GABRA1: variants seen among roughly 807,000 people sequenced by gnomAD.
GABRA1 encodes gamma-aminobutyric acid type A receptor subunit alpha1.
Under a neutral mutation model 48.9 loss-of-function variants are expected in GABRA1, and 9 were observed. The observed-to-expected ratio is 0.18, with a 90% confidence interval of 0.11 to 0.32. The LOEUF is 0.32. Ranked by LOEUF, GABRA1 falls within the 10% of genes least tolerant of loss-of-function variation. The probability of loss-of-function intolerance (pLI) is 1.00; values close to 1 mark genes in which losing one functional copy is unlikely to be tolerated. For missense variants in GABRA1, 285 were observed against 553.8 expected, an observed-to-expected ratio of 0.51 and a Z score of 4.87; for synonymous variants, 210 against 198.7, an observed-to-expected ratio of 1.06 and a Z score of -0.48.
chr5:161,864,496 G>A (rs565846786), intron 3 of GABRA1, among the ~76,000 whole-genome samples: 216 of 152,074 alleles, frequency 1.4e-3, no homozygotes, highest in Middle Eastern at 6.8e-3. Context: ...AAATTGCTAA[G>A]GGAAAAGGGC....
chr5:161,877,232 A>G (rs1414083687), intron 6 of GABRA1, among the ~76,000 whole-genome samples: 1 of 152,240 alleles, frequency 6.6e-6, no homozygotes, highest in East Asian at 1.9e-4. Flanking sequence ...GGCATAAGCC[A>G]CAGTGCCCAG....
Position 161,897,480 on chromosome 5 carries a change from C to G in GABRA1, c.*58C>G, listed in dbSNP as rs950728744. ...TGCACTGGGAATTTATTTATGTTCT[C>G]AACGCAGTAATTCCCATCTGCTTTA... On this transcript the variant is annotated 3_prime_UTR_variant, in exon 10 of 10. Transcript: ENST00000393943. 2 of 1,435,188 alleles carry G rather than the reference C, an allele frequency of 1.4e-6. No individual in the cohort carries two copies. The highest frequency in any genetic ancestry group is 2.0e-6 in the Non-Finnish European group (2 of 1,020,726). 88.9% of individuals were successfully genotyped at this position (1,435,188 alleles called of 1,614,324 possible). A position where few individuals can be genotyped will look rare whatever the true frequency, so the allele number is the denominator to read the frequency against.
intron 3 of GABRA1, among the ~76,000 whole-genome samples, chr5:161,859,629 CT>C (rs1163166554): frequency 6.6e-6 from 1 of 151,686 alleles, no homozygotes; most frequent in Non-Finnish European, 1.5e-5. Flanking sequence ...GATAAAATGC[CT>C]GATATTCATG....
At chr5:161,875,463 G>T in intron 5 of GABRA1, 97 bp from the exon 6 acceptor site, 1 of 964,406 alleles carries the variant, frequency 1.0e-6, no homozygotes, top group South Asian at 1.3e-5. Flanking sequence ...TGCCTTCTTT[G>T]TTAATATATT....
At chr5:161,855,425 T>C (rs1039406203) in intron 3 of GABRA1, among the ~76,000 whole-genome samples, 1 of 151,566 alleles carries the variant, frequency 6.6e-6, no homozygotes, top group African/African-American at 2.4e-5. Context: ...CAAATATATG[T>C]CAAAGGTCTT....
At chr5:161,890,504 T>C (rs1755040508) in intron 7 of GABRA1, among the ~76,000 whole-genome samples, 1 of 152,098 alleles carries the variant, frequency 6.6e-6, no homozygotes, top group South Asian at 2.1e-4. Context: ...GGATATGCTC[T>C]GTAATGGACA....
Position 161,892,388 on chromosome 5 carries a change from C to A in GABRA1, c.856+1338C>A, listed in dbSNP as rs1051375707. Among the ~76,000 whole-genome samples, 61 of 152,152 alleles carry A rather than the reference C, an allele frequency of 4.0e-4. 1 individual carries two copies. The highest frequency in any genetic ancestry group is 7.4e-5 in the Non-Finnish European group (5 of 68,022). On this transcript the variant is annotated intron_variant, in intron 8 of 9. Transcript: ENST00000393943. Reference sequence around the variant, plus strand: ...AAAATCAGTTATCTCAGAAAAAAAGCAAGACTCTGCTACAAGTACCAGAAA... The same window carrying A: ...AAAATCAGTTATCTCAGAAAAAAAGAAAGACTCTGCTACAAGTACCAGAAA...
chr5:161,895,913 T>C (rs1431847732), intron 9 of GABRA1, 45 bp downstream of exon 9: 1 of 1,496,516 alleles, frequency 6.7e-7, no homozygotes, highest in African/African-American at 1.4e-5. Flanking sequence ...ATTATGTCTC[T>C]TTAAACCTAT....
intron 3 of GABRA1, among the ~76,000 whole-genome samples, chr5:161,859,614 G>A (rs915664420): frequency 1.2e-4 from 18 of 151,702 alleles, no homozygotes; most frequent in South Asian, 4.2e-4. Flanking sequence ...GAGCTGTCCC[G>A]GGATGATAAA....
At chr5:161,854,393 A>T (rs748188582) in intron 3 of GABRA1, 123 bp downstream of exon 3, 37 of 706,914 alleles carry the variant, frequency 5.2e-5, no homozygotes, top group Non-Finnish European at 8.9e-5. Context: ...TGACAAATCT[A>T]TTTTTAATGG....
intron 5 of GABRA1, 25 bp downstream of exon 5, chr5:161,873,362 A>T: frequency 6.4e-7 from 1 of 1,553,460 alleles, no homozygotes; most frequent in Non-Finnish European, 8.9e-7. Context: ...ACTGCCATTC[A>T]TGAATGTTTC....
chr5:161,852,798 C>T (rs561134681), intron 2 of GABRA1, among the ~76,000 whole-genome samples: 3 of 151,952 alleles, frequency 2.0e-5, no homozygotes, highest in South Asian at 4.1e-4. Context: ...GTAACTTTAT[C>T]AAATTAAAAC....
chr5:161,885,091 A>G (rs369052804), intron 7 of GABRA1, among the ~76,000 whole-genome samples: 1 of 152,190 alleles, frequency 6.6e-6, no homozygotes, highest in Non-Finnish European at 1.5e-5. Context: ...TACATAAAAT[A>G]AAAGCTTTTT....
chr5:161,862,939 T>G (rs1757917863), intron 3 of GABRA1, among the ~76,000 whole-genome samples: 1 of 152,024 alleles, frequency 6.6e-6, no homozygotes, highest in Admixed American at 6.6e-5. Context: ...AGTTTAAATC[T>G]GAGTATTTAG....
intron 6 of GABRA1, among the ~76,000 whole-genome samples, chr5:161,877,051 T>C (rs560187827): frequency 6.6e-6 from 1 of 152,240 alleles, no homozygotes; most frequent in East Asian, 1.9e-4. Context: ...TGTTCTGCTT[T>C]AGGCTTTTGA....
chr5:161,850,900 T>G lies in GABRA1; in HGVS notation c.74+16T>G. On this transcript the variant is annotated intron_variant, in intron 2 of 9. Transcript: ENST00000393943. The stretch of plus-strand genomic sequence containing the variant: ...CTGGAAGAAGGTGGGGACACTTTTT[T>G]AAAAATCTGCATGAAAATTTCTGTA... 1 of 1,602,992 alleles carries G rather than the reference T, an allele frequency of 6.2e-7. No individual in the cohort carries two copies. The highest frequency in any genetic ancestry group is 8.5e-7 in the Non-Finnish European group (1 of 1,169,942).
rs1363320617 is a variant in GABRA1 at position 161,850,884 on chromosome 5, G to T, written c.74G>T (p.Ser25Ile). 1 of 1,612,958 alleles carries T rather than the reference G, an allele frequency of 6.2e-7. No homozygotes were observed. Among genetic ancestry groups the T allele is most frequent in the Non-Finnish European group, 8.5e-7 (1 of 1,179,104 alleles). Residue 25 changes from serine (S) to isoleucine (I), a missense_variant and splice_region_variant, in exon 2 of 10, where the codon AGC (serine) becomes ATC (isoleucine). Physicochemically the swap from Ser to Ile is moderately radical, Grantham distance 142. This residue lies in a region of GABRA1 where 45 missense variants were observed against 39.9 expected (regional missense o/e 1.13). Transcript: ENST00000393943. ...ILLLSTLTGR[S>I]YGQPSLQDEL... ...CTTCTGAGCACACTGACTGGAAGAA[G>T]GTGGGGACACTTTTTTAAAAATCTG... is the stretch of plus-strand genomic sequence containing the variant.
intron 9 of GABRA1, among the ~76,000 whole-genome samples, chr5:161,896,432 T>C (rs1230962560): frequency 3.9e-5 from 6 of 152,134 alleles, no homozygotes; most frequent in Admixed American, 1.3e-4. Flanking sequence ...AAATGCCTCA[T>C]GGTAGAAAAT....
Position 161,898,040 on chromosome 5 carries a change from A to C in GABRA1, c.*618A>C, listed in dbSNP as rs1489903935. The C allele has an allele frequency of 6.6e-6, 1 of 152,104 alleles. No homozygotes were observed. The highest frequency in any genetic ancestry group is 1.5e-5 in the Non-Finnish European group (1 of 68,074). 9.4% of individuals were successfully genotyped at this position (152,104 alleles called of 1,614,324 possible). ...TTTTGTCATAAAATGCTATTTTAAA[A>C]TTCATGGAACTTTCATACGTAAAGG... On this transcript the variant is annotated 3_prime_UTR_variant, in exon 10 of 10. Coordinates refer to ENST00000393943, the MANE Select transcript of GABRA1 (RefSeq NM_001127644.2).
Sources: gnomAD v4.1 joint callset for allele counts (sites outside exome capture counted in the v4.1 genomes callset) on GRCh38, gnomAD v4.1.1 for gene constraint, gnomAD v4.1.1 regional missense constraint, MANE v1.5 for transcripts, NCBI Gene and HGNC (gene_info 2026-07-23, HGNC 2026-07-21) for gene names.